The following SDHA variants were observed in gnomAD, a reference collection of about 807,000 sequenced individuals.
SDHA encodes the protein succinate dehydrogenase [ubiquinone] flavoprotein subunit, mitochondrial.
A neutral mutation model predicts 78.4 loss-of-function variants in SDHA; 48 were observed. The observed-to-expected ratio is 0.61, with a 90% confidence interval of 0.49 to 0.78. The LOEUF is 0.78. Among genes scored for constraint, SDHA ranks in the 30% least tolerant of loss-of-function variants. The pLI, the probability that SDHA is intolerant of heterozygous loss-of-function variation, is 0.00. For synonymous variants in SDHA, 326 were observed against 353.9 expected (o/e 0.92, Z 0.88); for missense variants, 680 against 892.7 (o/e 0.76, Z 3.04).
intron 6 of SDHA, among the ~76,000 whole-genome samples, chr5:229,763 TTAGAGTTAACATTATACAGCATGGTGGC>T (rs1170481029): frequency 2.9e-4 from 39 of 136,018 alleles, no homozygotes; most frequent in African/African-American, 5.3e-4. Context: ...AGCATGGTGG[TTAGAGTTAACATTATACAGCATGGTGGC>T]TAGAGTTAAC....
the SDHA span, among the ~76,000 whole-genome samples, chr5:262,790 T>C: frequency 2.0e-5 from 3 of 152,330 alleles, no homozygotes; most frequent in East Asian, 1.9e-4. Context: ...GAAAGTAATA[T>C]TAGGTTGGTG....
At chr5:234,786 C>T (rs1735658967) in intron 8 of SDHA, 3 of 328,980 alleles carry the variant, frequency 9.1e-6, no homozygotes, top group Non-Finnish European at 1.8e-5. Context: ...TTTTGGTATC[C>T]GTGGGGGTCC....
chr5:265,928 T>C, the SDHA span, among the ~76,000 whole-genome samples: 1 of 151,966 alleles, frequency 6.6e-6, no homozygotes, highest in East Asian at 1.9e-4. Context: ...GATTCAGTCC[T>C]GGGGGAACCC....
the SDHA span, among the ~76,000 whole-genome samples, chr5:268,018 A>G: frequency 1.3e-5 from 2 of 152,198 alleles, no homozygotes; most frequent in Non-Finnish European, 2.9e-5. Flanking sequence ...CAAGCAGCAC[A>G]GCCCAGGTAC....
intron 4 of SDHA, 94 bp downstream of exon 4, chr5:225,656 G>T: frequency 6.4e-7 from 1 of 1,560,476 alleles, no homozygotes; most frequent in Non-Finnish European, 8.8e-7. Flanking sequence ...GGATGTGGCA[G>T]CCAAAAGAAT....
rs1735554652 is a variant in SDHA, at chr5:233,558, T to A, written c.977T>A (p.Phe326Tyr). 2 of 1,614,176 alleles carry A rather than the reference T, an allele frequency of 1.2e-6. No individual in the cohort carries two copies. Among genetic ancestry groups the A allele is most frequent in the South Asian group, 2.2e-5 (2 of 91,080 alleles). Residue 326 changes from phenylalanine (F) to tyrosine (Y), a missense_variant, in exon 8 of 15, where the codon TTT (phenylalanine) becomes TAT (tyrosine). Phe to Tyr is a conservative substitution (Grantham distance 22). Transcript: ENST00000264932. ...CTCATTAACAGTCAAGGCGAAAGGT[T>A]TATGGAGCGATACGCCCCTGTCGCG... ...GILINSQGER[F>Y]MERYAPVAKD...
At chr5:242,222 C>T (rs1269344551) in intron 11 of SDHA, among the ~76,000 whole-genome samples, 1 of 152,132 alleles carries the variant, frequency 6.6e-6, no homozygotes, top group Non-Finnish European at 1.5e-5. Context: ...AAATGTGGCC[C>T]AAAACTGACC....
the SDHA span, among the ~76,000 whole-genome samples, chr5:265,744 C>G: frequency 6.6e-6 from 1 of 151,522 alleles, no homozygotes; most frequent in African/African-American, 2.4e-5. Flanking sequence ...TGCTTGAACC[C>G]GGGAGGCGGA....
At chr5:238,511 G>A (rs1735925483) in intron 10 of SDHA, among the ~76,000 whole-genome samples, 1 of 151,658 alleles carries the variant, frequency 6.6e-6, no homozygotes, top group African/African-American at 2.4e-5. Flanking sequence ...GTACGATCAG[G>A]TGCACACCAC....
the SDHA span, among the ~76,000 whole-genome samples, chr5:266,489 T>C: frequency 6.6e-6 from 1 of 152,032 alleles, no homozygotes; most frequent in Non-Finnish European, 1.5e-5. Flanking sequence ...GGTCTGGAAA[T>C]GTAAATGTTT....
chr5:259,282 G>C (rs1459986283), downstream of SDHA, among the ~76,000 whole-genome samples: 4 of 37,280 alleles, frequency 1.1e-4, no homozygotes, highest in South Asian at 1.8e-3. Flanking sequence ...CCTCCCGCCA[G>C]AGCATTACCG....
intron 7 of SDHA, 98 bp downstream of exon 7, chr5:231,098 C>T: frequency 1.4e-6 from 2 of 1,427,586 alleles, no homozygotes. Context: ...TATGTAATAA[C>T]ATGGTTTTGA....
downstream of SDHA, among the ~76,000 whole-genome samples, chr5:261,005 G>A (rs1292071834): frequency 7.7e-5 from 1 of 12,924 alleles, no homozygotes; most frequent in Non-Finnish European, 1.7e-4. Flanking sequence ...TCCGCCTCCC[G>A]TCAGAGCATT....
intron 5 of SDHA, among the ~76,000 whole-genome samples, chr5:226,844 G>A (rs570491163): frequency 6.9e-6 from 1 of 145,886 alleles, no homozygotes; most frequent in South Asian, 2.2e-4. Flanking sequence ...CAGGAGAATG[G>A]CGTGAACCCA....
At chr5:222,296 T>C (rs6881920) in intron 1 of SDHA, among the ~76,000 whole-genome samples, 35,939 of 150,760 alleles carry the variant, frequency 0.24, 6,685 homozygotes, top group African/African-American at 0.52. Context: ...TTGAAGACAT[T>C]CCTCACATCC....
chr5:239,402 CA>C (rs1312367459), intron 10 of SDHA, among the ~76,000 whole-genome samples: 30 of 151,764 alleles, frequency 2.0e-4, no homozygotes, highest in South Asian at 4.2e-4. Context: ...ACTGAAAATA[CA>C]AAAAATTAGC....
chr5:236,206 G>C (rs1306062474), intron 9 of SDHA: 2 of 574,628 alleles, frequency 3.5e-6, no homozygotes, highest in African/African-American at 3.7e-5. Context: ...TGTATTTTTA[G>C]TAGAGATGGG....
downstream of SDHA, among the ~76,000 whole-genome samples, chr5:258,188 T>C (rs1225942059): frequency 4.4e-5 from 5 of 114,646 alleles, no homozygotes; most frequent in South Asian, 2.6e-4. Context: ...AGAGCATTAC[T>C]GGGTGAGCTC....
intron 11 of SDHA, among the ~76,000 whole-genome samples, chr5:243,157 G>A (rs1282029895): frequency 6.6e-6 from 1 of 152,174 alleles, no homozygotes; most frequent in East Asian, 1.9e-4. Context: ...GCAGTTCCCT[G>A]TTAGAATACA....
Sources: gnomAD v4.1 joint callset for allele counts (sites outside exome capture counted in the v4.1 genomes callset) on GRCh38, gnomAD v4.1.1 for gene constraint, MANE v1.5 for transcripts, NCBI Gene and HGNC (gene_info 2026-07-23, HGNC 2026-07-21) for gene names.